LRRC7: variants seen among roughly 807,000 people sequenced by gnomAD.
LRRC7 encodes the protein leucine rich repeat containing 7, also known as leucine-rich repeat-containing protein 7.
LRRC7 carries 23 observed loss-of-function variants against 175.7 expected under a neutral mutation model. The ratio of observed to expected loss-of-function variants is 0.13; its 90% CI spans 0.09 to 0.19. The LOEUF is 0.19. Ranked by LOEUF, LRRC7 falls within the 10% of genes least tolerant of loss-of-function variation. LRRC7 has a pLI of 1.00. For missense variants in LRRC7, 1,354 were observed against 1,904.7 expected (o/e 0.71, Z 5.38); for synonymous variants, 685 against 680.9 (o/e 1.01, Z -0.09).
At chr1:69,693,890 G>A (rs1662225839) in intron 2 of LRRC7, among the ~76,000 whole-genome samples, 1 of 152,042 alleles carries the variant, frequency 6.6e-6, no homozygotes, top group African/African-American at 2.4e-5. Flanking sequence ...TTGTATTTTA[G>A]TTTTCTATTG....
intron 8 of LRRC7, among the ~76,000 whole-genome samples, chr1:69,947,604 T>A (rs1649471666): frequency 6.6e-6 from 1 of 151,982 alleles, no homozygotes; most frequent in Admixed American, 6.6e-5. Context: ...ATATTATATA[T>A]CTATCAACTT....
intron 7 of LRRC7, among the ~76,000 whole-genome samples, chr1:69,898,662 ACTG>A (rs35234345): frequency 0.015 from 2,238 of 150,848 alleles, 24 homozygotes; most frequent in African/African-American, 0.024. Context: ...TGCTATCATC[ACTG>A]CTGCTGCTGC....
chr1:69,796,117 C>T (rs79497133), intron 4 of LRRC7, among the ~76,000 whole-genome samples: 7 of 109,890 alleles, frequency 6.4e-5, no homozygotes, highest in Non-Finnish European at 1.8e-5. Context: ...CCCCCTCCCC[C>T]CTCCCCCCAC....
At chr1:69,572,436 A>C (rs1321230882) in intron 1 of LRRC7, among the ~76,000 whole-genome samples, 2 of 152,176 alleles carry the variant, frequency 1.3e-5, no homozygotes, top group Non-Finnish European at 2.9e-5. Flanking sequence ...CATATGTTTT[A>C]AAAAACTTAT....
At chr1:70,092,374 C>G (rs1664092309) in intron 25 of LRRC7, among the ~76,000 whole-genome samples, 1 of 152,082 alleles carries the variant, frequency 6.6e-6, no homozygotes, top group Non-Finnish European at 1.5e-5. Flanking sequence ...ATGATACATA[C>G]TCTCTTCAAA....
At chr1:70,108,949 A>T (rs1665327495) in intron 26 of LRRC7, among the ~76,000 whole-genome samples, 1 of 152,134 alleles carries the variant, frequency 6.6e-6, no homozygotes, top group Admixed American at 6.5e-5. Flanking sequence ...ATTCTCAGAA[A>T]TGTTTTTTGG....
At position 69,744,002 on chromosome 1, in the gene LRRC7, C is replaced by T. The variant is rs138334424; in HGVS notation, c.101-16189C>T. 3.5e-3 allele frequency among the ~76,000 whole-genome samples: 531 copies of T among 151,646 alleles called. 3 individuals are homozygous for T. Among genetic ancestry groups the T allele is most frequent in the African/African-American group, 0.012 (503 of 41,412 alleles). ...CCCTTTAACTACTTACTATCCTCTA[C>T]CCAATTCTGTCTATTGTAATTTTTT... On this transcript the variant is annotated intron_variant, in intron 2 of 26. Coordinates refer to ENST00000651989, the MANE Select transcript of LRRC7 (RefSeq NM_001370785.2).
intron 7 of LRRC7, among the ~76,000 whole-genome samples, chr1:69,858,482 G>C (rs915064404): frequency 7.3e-5 from 11 of 151,352 alleles, no homozygotes; most frequent in Admixed American, 7.3e-4. Flanking sequence ...ACAAAGACAA[G>C]GGCCATCCAG....
intron 1 of LRRC7, among the ~76,000 whole-genome samples, chr1:69,659,519 A>G (rs1013539885): frequency 6.6e-6 from 1 of 151,910 alleles, no homozygotes. Context: ...TCAGCCAAAA[A>G]AAAAAAAAAG....
chr1:69,814,284 G>C (rs1421997584), intron 4 of LRRC7, among the ~76,000 whole-genome samples: 2 of 152,040 alleles, frequency 1.3e-5, no homozygotes, highest in African/African-American at 4.8e-5. Flanking sequence ...TCTTGTAAAT[G>C]TGTGGTTCTT....
chr1:69,639,538 T>A (rs1422856176), intron 1 of LRRC7, among the ~76,000 whole-genome samples: 1 of 151,856 alleles, frequency 6.6e-6, no homozygotes, highest in Non-Finnish European at 1.5e-5. Context: ...TGAATGTTGA[T>A]TCTGTGAAGA....
At chr1:70,076,369 C>A (rs747521053) in intron 24 of LRRC7, 71 bp downstream of exon 24, 9 of 1,383,644 alleles carry the variant, frequency 6.5e-6, no homozygotes, top group Non-Finnish European at 9.1e-6. Flanking sequence ...GGTTGGCCTT[C>A]CCTCATTAAT....
chr1:69,802,920 A>G (rs1463258588), intron 4 of LRRC7, among the ~76,000 whole-genome samples: 3 of 151,260 alleles, frequency 2.0e-5, no homozygotes, highest in Non-Finnish European at 4.5e-5. Context: ...TTTTCTTTTC[A>G]CATTTGGATA....
intron 4 of LRRC7, among the ~76,000 whole-genome samples, chr1:69,820,100 C>A (rs963024798): frequency 6.6e-6 from 1 of 151,426 alleles, no homozygotes; most frequent in Non-Finnish European, 1.5e-5. Context: ...TTTATAGTTT[C>A]TTTGTTCTTT....
At chr1:70,070,076 C>G (rs2102111655) in intron 23 of LRRC7, among the ~76,000 whole-genome samples, 1 of 152,262 alleles carries the variant, frequency 6.6e-6, no homozygotes, top group East Asian at 1.9e-4. Flanking sequence ...TCATTGCAGC[C>G]TGGACCTCCT....
chr1:69,571,194 A>G (rs1435104100), intron 1 of LRRC7, among the ~76,000 whole-genome samples: 6 of 152,224 alleles, frequency 3.9e-5, no homozygotes, highest in Non-Finnish European at 8.8e-5. Flanking sequence ...GCCAACACAT[A>G]AATTCTACAT....
At chr1:69,906,219 C>G (rs967788265) in intron 7 of LRRC7, among the ~76,000 whole-genome samples, 5 of 152,150 alleles carry the variant, frequency 3.3e-5, no homozygotes, top group African/African-American at 1.2e-4. Flanking sequence ...TGCCTGTTCA[C>G]TCTGATGGTA....
chr1:70,005,986 C>T (rs1655962748), intron 11 of LRRC7, among the ~76,000 whole-genome samples: 1 of 148,114 alleles, frequency 6.8e-6, no homozygotes, highest in Non-Finnish European at 1.5e-5. Context: ...AACCTTTGGT[C>T]TTTTTTTTTT....
intron 7 of LRRC7, among the ~76,000 whole-genome samples, chr1:69,915,973 C>G (rs1325083538): frequency 6.9e-6 from 1 of 145,178 alleles, no homozygotes; most frequent in African/African-American, 2.5e-5. Flanking sequence ...GTGGTGGAAC[C>G]AGGATTCAGA....
Sources: allele counts gnomAD v4.1 joint callset (sites outside exome capture counted in the v4.1 genomes callset), GRCh38; gene constraint gnomAD v4.1.1; transcripts MANE v1.5; gene names NCBI Gene and HGNC (gene_info 2026-07-23, HGNC 2026-07-21).